The following PTPRM variants were observed in gnomAD, a reference collection of about 807,000 sequenced individuals.
PTPRM encodes the protein protein tyrosine phosphatase receptor type M.
PTPRM carries 47 observed loss-of-function variants against 186.7 expected under a neutral mutation model. The observed-to-expected ratio is 0.25, with a 90% CI of 0.20 to 0.32. The LOEUF (loss-of-function observed/expected upper bound fraction) is 0.32. Among genes scored for constraint, PTPRM ranks in the 10% least tolerant of loss-of-function variants. The probability of loss-of-function intolerance (pLI) is 1.00; values close to 1 mark genes in which losing one functional copy is unlikely to be tolerated. For synonymous variants in PTPRM, 668 were observed against 674.9 expected (o/e 0.99, Z 0.16); for missense variants, 1,494 against 1,865.0 (o/e 0.80, Z 3.66).
chr18:7,592,554 C>T (rs944297806), intron 1 of PTPRM, among the ~76,000 whole-genome samples: 1 of 152,174 alleles, frequency 6.6e-6, no homozygotes, highest in Non-Finnish European at 1.5e-5. Flanking sequence ...CTGACGCTAC[C>T]CCCAGTTATG....
intron 7 of PTPRM, among the ~76,000 whole-genome samples, chr18:7,984,440 G>T (rs184767179): frequency 2.2e-4 from 34 of 151,520 alleles, no homozygotes; most frequent in Middle Eastern, 3.4e-3. Flanking sequence ...ATTGCTACAG[G>T]ACTAAAAATT....
At chr18:8,166,235 A>G (rs536675402) in intron 14 of PTPRM, among the ~76,000 whole-genome samples, 56 of 152,204 alleles carry the variant, frequency 3.7e-4, no homozygotes, top group Non-Finnish European at 7.1e-4. Context: ...ACTCCAACCT[A>G]TGCGCTTTAC....
intron 14 of PTPRM, among the ~76,000 whole-genome samples, chr18:8,235,360 A>G (rs568489769): frequency 7.6e-4 from 116 of 151,910 alleles, no homozygotes; most frequent in African/African-American, 2.7e-3. Context: ...TTGTAGGTAT[A>G]GAGTTGTTCG....
intron 2 of PTPRM, among the ~76,000 whole-genome samples, chr18:7,824,755 A>C (rs1442812992): frequency 6.6e-6 from 1 of 152,168 alleles, no homozygotes; most frequent in Non-Finnish European, 1.5e-5. Flanking sequence ...GGATGTGGTA[A>C]AACGAGAAAG....
At chr18:8,315,853 G>A (rs1218539371) in intron 21 of PTPRM, among the ~76,000 whole-genome samples, 4 of 152,148 alleles carry the variant, frequency 2.6e-5, no homozygotes, top group African/African-American at 9.7e-5. Flanking sequence ...TTTGGGTAGG[G>A]ACTGGGGTAT....
chr18:7,584,107 A>G (rs1460022442), intron 1 of PTPRM, among the ~76,000 whole-genome samples: 1 of 152,218 alleles, frequency 6.6e-6, no homozygotes, highest in South Asian at 2.1e-4. Context: ...TGCTTATTTA[A>G]ATAACATTCT....
At chr18:7,634,882 C>A (rs1238141089) in intron 1 of PTPRM, among the ~76,000 whole-genome samples, 2 of 152,156 alleles carry the variant, frequency 1.3e-5, no homozygotes, top group African/African-American at 2.4e-5. Context: ...CAAGAAATAA[C>A]ATGCATATGA....
At chr18:7,744,164 G>C (rs1309169379) in intron 1 of PTPRM, among the ~76,000 whole-genome samples, 2 of 152,122 alleles carry the variant, frequency 1.3e-5, no homozygotes, top group African/African-American at 4.8e-5. Flanking sequence ...CTACAGATTT[G>C]AGGCTCAAAA....
chr18:7,780,568 G>T (rs558559942), intron 2 of PTPRM, among the ~76,000 whole-genome samples: 1 of 152,134 alleles, frequency 6.6e-6, no homozygotes, highest in Middle Eastern at 3.2e-3. Context: ...CCCTGTTTTA[G>T]TCCTATTATC....
chr18:7,947,035 T>G, intron 5 of PTPRM: 1 of 456,044 alleles, frequency 2.2e-6, no homozygotes. Flanking sequence ...TAGGGTGGCC[T>G]GGGACTGGGT....
At chr18:8,123,654 G>A (rs967203627) in intron 13 of PTPRM, among the ~76,000 whole-genome samples, 1 of 152,152 alleles carries the variant, frequency 6.6e-6, no homozygotes, top group Admixed American at 6.5e-5. Context: ...AACTTCTGAA[G>A]TGTTCTTCCC....
rs189702669 is a variant in PTPRM at position 8,014,717 on chromosome 18, C to G, written c.1133-54969C>G. 1.2e-4 allele frequency among the ~76,000 whole-genome samples: 18 copies of G among 152,328 alleles called. No homozygotes were observed. In the East Asian group the frequency reaches 3.1e-3, roughly 26 times the overall value. ...AAATTAAGAAGGATATATACACACT[C>G]ATTTATACCCTTGTGCGTATCTCAC... On this transcript the variant is annotated intron_variant, in intron 7 of 32. Coordinates refer to ENST00000580170, the MANE Select transcript of PTPRM (RefSeq NM_001105244.2).
chr18:7,960,843 T>C (rs2053631580), intron 7 of PTPRM, among the ~76,000 whole-genome samples: 3 of 152,010 alleles, frequency 2.0e-5, no homozygotes, highest in Middle Eastern at 3.4e-3. Context: ...TGAAGAAAAA[T>C]AGAAGAAGGG....
At chr18:7,827,388 C>G (rs149457544) in intron 2 of PTPRM, among the ~76,000 whole-genome samples, 171 of 152,214 alleles carry the variant, frequency 1.1e-3, no homozygotes, top group African/African-American at 3.9e-3. Context: ...TTAAAATTCA[C>G]CTAATGGTAG....
At chr18:8,104,949 T>G (rs2091451713) in intron 11 of PTPRM, among the ~76,000 whole-genome samples, 1 of 152,200 alleles carries the variant, frequency 6.6e-6, no homozygotes. Context: ...AAGTGGCTTT[T>G]TAATTGTTCC....
At chr18:8,129,367 G>A (rs2092448272) in intron 13 of PTPRM, among the ~76,000 whole-genome samples, 1 of 152,168 alleles carries the variant, frequency 6.6e-6, no homozygotes, top group Non-Finnish European at 1.5e-5. Context: ...CTGGTGACTA[G>A]CATGGAACTA....
chr18:8,353,541 G>A (rs1383492387), intron 23 of PTPRM, among the ~76,000 whole-genome samples: 1 of 152,092 alleles, frequency 6.6e-6, no homozygotes, highest in African/African-American at 2.4e-5. Context: ...GGTAGGTGGT[G>A]CTGATAAGGA....
At chr18:7,981,734 C>T (rs1231377091) in intron 7 of PTPRM, among the ~76,000 whole-genome samples, 1 of 152,170 alleles carries the variant, frequency 6.6e-6, no homozygotes, top group Non-Finnish European at 1.5e-5. Flanking sequence ...CTTACCCAAT[C>T]AGAGGTAGCA....
chr18:7,704,054 A>G (rs913208147), intron 1 of PTPRM, among the ~76,000 whole-genome samples: 4 of 152,064 alleles, frequency 2.6e-5, no homozygotes, highest in African/African-American at 9.7e-5. Context: ...GGTTTTTGAT[A>G]TGCTGCTGGA....
Sources: allele counts gnomAD v4.1 joint callset (sites outside exome capture counted in the v4.1 genomes callset), GRCh38; gene constraint gnomAD v4.1.1; transcripts MANE v1.5; gene names NCBI Gene and HGNC (gene_info 2026-07-23, HGNC 2026-07-21).